TMEM108: variants seen among roughly 807,000 people sequenced by gnomAD.
TMEM108 encodes the protein cancer/testis antigen 124.
A neutral mutation model predicts 35.1 loss-of-function variants in TMEM108; 12 were observed. That is an observed-to-expected ratio of 0.34 (90% CI 0.22 to 0.55). The LOEUF is 0.55. Ranked by LOEUF, TMEM108 falls within the 20% of genes least tolerant of loss-of-function variation. The pLI, the probability that TMEM108 is intolerant of heterozygous loss-of-function variation, is 0.89. For synonymous variants in TMEM108, 287 were observed against 308.6 expected (o/e 0.93, Z 0.73); for missense variants, 680 against 753.3 (o/e 0.90, Z 1.14).
At chr3:133,304,229 GAC>G (rs1212802290) in intron 3 of TMEM108, among the ~76,000 whole-genome samples, 1 of 152,108 alleles carries the variant, frequency 6.6e-6, no homozygotes, top group East Asian at 1.9e-4. Context: ...CTCACTCTAA[GAC>G]AGTGGTTTAT....
intron 3 of TMEM108, among the ~76,000 whole-genome samples, chr3:133,231,224 C>T (rs559023394): frequency 3.9e-5 from 6 of 152,156 alleles, no homozygotes; most frequent in African/African-American, 1.4e-4. Flanking sequence ...TTATATAACT[C>T]ATGATAAAAA....
intron 2 of TMEM108, among the ~76,000 whole-genome samples, chr3:133,220,614 A>G (rs934071757): frequency 6.6e-6 from 1 of 152,046 alleles, no homozygotes; most frequent in Non-Finnish European, 1.5e-5. Flanking sequence ...CTCTCACACT[A>G]CTCAACACTT....
chr3:133,206,175 G>T (rs887334317), intron 2 of TMEM108, among the ~76,000 whole-genome samples: 3 of 152,128 alleles, frequency 2.0e-5, no homozygotes, highest in Admixed American at 6.5e-5. Flanking sequence ...TCTCTAAACT[G>T]GTTATTCCAG....
At chr3:133,096,383 A>G (rs1228873259) in intron 2 of TMEM108, among the ~76,000 whole-genome samples, 1 of 151,940 alleles carries the variant, frequency 6.6e-6, no homozygotes, top group Non-Finnish European at 1.5e-5. Flanking sequence ...CTGGTCTCAA[A>G]CTCCTCACCT....
rs2073184940 is a variant in TMEM108, at chr3:133,388,323, C to T, written c.1451-1857C>T. On this transcript the variant is annotated intron_variant, in intron 4 of 5. Transcript: ENST00000321871. The stretch of plus-strand genomic sequence containing the variant: ...CCGGGATCTTGTCCCAGCTCTGCCA[C>T]TCACATACCTGTGACCTGTGGCAAG... The T allele has an allele frequency of 5.1e-6, 5 of 983,492 alleles. No individual in the cohort carries two copies. The South Asian group carries it at 2.4e-4, about 46-fold the overall frequency. The allele number at this position is 983,492 out of a possible 1,614,324, so 60.9% of individuals were successfully genotyped here. A position where few individuals can be genotyped will look rare whatever the true frequency, so the allele number is the denominator to read the frequency against.
intron 3 of TMEM108, among the ~76,000 whole-genome samples, chr3:133,287,657 A>G (rs139019825): frequency 6.6e-6 from 1 of 152,340 alleles, no homozygotes; most frequent in East Asian, 1.9e-4. Flanking sequence ...ATTTCAAAAC[A>G]TCTTCTAAGA....
intron 2 of TMEM108, among the ~76,000 whole-genome samples, chr3:133,181,673 T>C (rs763710598): frequency 3.3e-5 from 5 of 152,108 alleles, no homozygotes; most frequent in Admixed American, 6.5e-5. Flanking sequence ...AAAGTAATTA[T>C]GCTCCAAGAA....
chr3:133,083,178 C>G (rs1472837972), intron 2 of TMEM108, among the ~76,000 whole-genome samples: 19 of 133,276 alleles, frequency 1.4e-4, no homozygotes, highest in Non-Finnish European at 2.6e-4. Flanking sequence ...AAGCCCCCCC[C>G]CACCCCCCGC....
chr3:133,264,673 G>A (rs1366226703), intron 3 of TMEM108, among the ~76,000 whole-genome samples: 1 of 152,112 alleles, frequency 6.6e-6, no homozygotes, highest in Non-Finnish European at 1.5e-5. Flanking sequence ...AGTCCATGAA[G>A]CAAGTATAAA....
At chr3:133,162,378 G>C (rs1166931815) in intron 2 of TMEM108, among the ~76,000 whole-genome samples, 1 of 152,158 alleles carries the variant, frequency 6.6e-6, no homozygotes, top group Admixed American at 6.5e-5. Flanking sequence ...GGAACTATTA[G>C]AGACAAGGAA....
At chr3:133,164,766 A>C (rs1210450466) in intron 2 of TMEM108, among the ~76,000 whole-genome samples, 2 of 152,162 alleles carry the variant, frequency 1.3e-5, no homozygotes, top group East Asian at 3.8e-4. Flanking sequence ...TGTGCACCTT[A>C]AATGATAGAA....
At chr3:133,186,409 C>T (rs1184282964) in intron 2 of TMEM108, among the ~76,000 whole-genome samples, 1 of 152,126 alleles carries the variant, frequency 6.6e-6, no homozygotes, top group African/African-American at 2.4e-5. Context: ...TAATTTATTC[C>T]TTACTGTCCT....
chr3:133,337,376 G>C (rs565573065), intron 3 of TMEM108, among the ~76,000 whole-genome samples: 39 of 152,300 alleles, frequency 2.6e-4, no homozygotes, highest in African/African-American at 9.1e-4. Flanking sequence ...TTATTTGGGA[G>C]AAGTTAAGGG....
At chr3:133,272,272 CGTGTGTGTGTGTGTGT>C (rs3078833) in intron 3 of TMEM108, among the ~76,000 whole-genome samples, 2 of 137,726 alleles carry the variant, frequency 1.5e-5, no homozygotes, top group Admixed American at 7.3e-5. Flanking sequence ...CATACACGTA[CGTGTGTGTGTGTGTGT>C]GTGTGTGTGT....
chr3:133,142,515 G>T (rs1944655070), intron 2 of TMEM108, among the ~76,000 whole-genome samples: 1 of 152,128 alleles, frequency 6.6e-6, no homozygotes, highest in Admixed American at 6.5e-5. Flanking sequence ...GGGAAGTAGA[G>T]GCAGGAGGCT....
intron 2 of TMEM108, among the ~76,000 whole-genome samples, chr3:133,139,981 A>G (rs1944619296): frequency 2.0e-5 from 3 of 152,134 alleles, no homozygotes; most frequent in Non-Finnish European, 2.9e-5. Context: ...TGTGAGGGGG[A>G]AGAGGATAGG....
Position 133,346,028 on chromosome 3 carries a change from C to T in TMEM108, c.41-33724C>T, listed in dbSNP as rs1428733144. On this transcript the variant is annotated intron_variant, in intron 3 of 5. Transcript: ENST00000321871. The surrounding 1 kb of genome is among the most constrained non-coding windows in gnomAD (Gnocchi z 4.0). ...ACGGATGTACCACAGTTTCTGTGTTCGTTCACCTATTCAAAGACATCTTGG... is the reference window on the plus strand; with the variant it reads ...ACGGATGTACCACAGTTTCTGTGTTTGTTCACCTATTCAAAGACATCTTGG... Among the ~76,000 whole-genome samples the T allele has an allele frequency of 6.6e-6, 1 of 151,886 alleles. No individual in the cohort carries two copies. Among genetic ancestry groups the T allele is most frequent in the Non-Finnish European group, 1.5e-5 (1 of 67,860 alleles).
intron 2 of TMEM108, among the ~76,000 whole-genome samples, chr3:133,057,471 A>ATC (rs1231585819): frequency 6.6e-4 from 26 of 39,260 alleles, no homozygotes; most frequent in African/African-American, 1.7e-3. Flanking sequence ...ATATATATAT[A>ATC]TATATATATA....
At chr3:133,143,587 A>G (rs1363826539) in intron 2 of TMEM108, among the ~76,000 whole-genome samples, 5 of 152,188 alleles carry the variant, frequency 3.3e-5, no homozygotes, top group African/African-American at 4.8e-5. Flanking sequence ...AAAAGATGTC[A>G]TAATTCTGTT....
Sources: allele counts gnomAD v4.1 joint callset (sites outside exome capture counted in the v4.1 genomes callset), GRCh38; gene constraint gnomAD v4.1.1; non-coding constraint Gnocchi (gnomAD v3.1); transcripts MANE v1.5; gene names NCBI Gene and HGNC (gene_info 2026-07-23, HGNC 2026-07-21).